Variants in KCNH7 observed in about 807,000 individuals in gnomAD.
The protein encoded by KCNH7 is potassium voltage-gated channel subfamily H member 7, also known as voltage-gated inwardly rectifying potassium channel KCNH7.
Under a neutral mutation model 120.8 loss-of-function variants are expected in KCNH7, and 49 were observed. That is an observed-to-expected ratio of 0.41 (90% CI 0.32 to 0.51). The LOEUF (loss-of-function observed/expected upper bound fraction) is 0.51. KCNH7 is among the 20% of genes least tolerant of loss of function. The pLI is 0.38. For synonymous variants in KCNH7, 547 were observed against 516.1 expected (o/e 1.06, Z -0.81); for missense variants, 1,097 against 1,446.6 (o/e 0.76, Z 3.92).
rs541261844 is a variant in KCNH7 at position 162,509,198 on chromosome 2, A to T, written c.913+3456T>A. ...TGGGAAGAATTTTAAAGATATTTAA[A>T]ATTTATACGATGAGGCTATTTAAAT... On this transcript the variant is annotated intron_variant, in intron 5 of 15. Coordinates refer to ENST00000332142, the MANE Select transcript of KCNH7 (RefSeq NM_033272.4). 3.3e-5 allele frequency among the ~76,000 whole-genome samples: 5 copies of T among 151,708 alleles called. No homozygotes were observed. In the South Asian group the frequency reaches 1.0e-3, roughly 31 times the overall value.
chr2:162,736,976 A>G (rs965044131), intron 2 of KCNH7, among the ~76,000 whole-genome samples: 2 of 152,152 alleles, frequency 1.3e-5, no homozygotes, highest in Non-Finnish European at 2.9e-5. Context: ...CGAGGCACCT[A>G]AAATAAACAA....
At chr2:162,404,604 G>A (rs1687154045) in intron 9 of KCNH7, among the ~76,000 whole-genome samples, 2 of 151,868 alleles carry the variant, frequency 1.3e-5, no homozygotes. Flanking sequence ...TCTTGCTCCT[G>A]CTCCTGCCAT....
At chr2:162,566,116 C>T (rs754551166) in intron 2 of KCNH7, among the ~76,000 whole-genome samples, 1 of 151,876 alleles carries the variant, frequency 6.6e-6, no homozygotes, top group Non-Finnish European at 1.5e-5. Context: ...AAGATATTCA[C>T]CTAAGAGGCC....
intron 8 of KCNH7, among the ~76,000 whole-genome samples, chr2:162,430,560 A>T (rs1330497253): frequency 6.6e-6 from 1 of 152,064 alleles, no homozygotes; most frequent in Middle Eastern, 3.2e-3. Flanking sequence ...CTCCAGGCAA[A>T]AAGCCAAGAT....
At chr2:162,609,373 CT>C (rs1559042597) in intron 2 of KCNH7, among the ~76,000 whole-genome samples, 1 of 151,976 alleles carries the variant, frequency 6.6e-6, no homozygotes, top group Admixed American at 6.6e-5. Flanking sequence ...ATGCATTTTT[CT>C]TTTTTTCTTT....
intron 2 of KCNH7, among the ~76,000 whole-genome samples, chr2:162,568,263 G>C (rs1693329981): frequency 2.0e-5 from 3 of 151,976 alleles, no homozygotes; most frequent in Admixed American, 1.3e-4. Flanking sequence ...TTGACACATA[G>C]AGATTATGGG....
chr2:162,396,728 GT>G lies in KCNH7; in HGVS notation c.2613+11del, dbSNP rs759718308. 6.3e-6 allele frequency: 10 copies of G among 1,584,156 alleles called. 1 individual carries two copies. The African/African-American group carries it at 1.4e-4, about 21-fold the overall frequency. ...TCAGAAATACAGACATAAGCAAACA[GT>G]TAACATATACCTTTGCGCTCTCATG... is the stretch of plus-strand genomic sequence containing the variant. On this transcript the variant is annotated intron_variant, in intron 11 of 15. Transcript: ENST00000332142.
intron 2 of KCNH7, among the ~76,000 whole-genome samples, chr2:162,812,803 GA>G (rs947816299): frequency 2.6e-5 from 4 of 152,002 alleles, no homozygotes; most frequent in Admixed American, 6.6e-5. Flanking sequence ...AAGCAATGGA[GA>G]AAAAAGACAT....
At chr2:162,686,115 G>C (rs1333532098) in intron 2 of KCNH7, among the ~76,000 whole-genome samples, 2 of 151,994 alleles carry the variant, frequency 1.3e-5, no homozygotes, top group African/African-American at 4.8e-5. Context: ...TGGGGCAATG[G>C]CATTACCATC....
chr2:162,831,072 C>T (rs887234935), intron 2 of KCNH7, among the ~76,000 whole-genome samples: 6 of 152,080 alleles, frequency 3.9e-5, no homozygotes, highest in Non-Finnish European at 7.4e-5. Flanking sequence ...ATAGGTACAT[C>T]GAGTAGCAGT....
At chr2:162,383,927 A>G (rs1415910751) in intron 13 of KCNH7, among the ~76,000 whole-genome samples, 1 of 151,862 alleles carries the variant, frequency 6.6e-6, no homozygotes, top group Non-Finnish European at 1.5e-5. Context: ...CAAAGACATA[A>G]AGGGAGCAAG....
At chr2:162,538,931 T>G (rs1446905293) in intron 2 of KCNH7, among the ~76,000 whole-genome samples, 1 of 152,064 alleles carries the variant, frequency 6.6e-6, no homozygotes, top group Non-Finnish European at 1.5e-5. Flanking sequence ...CTTCCCAAAT[T>G]TGAAATGTGG....
chr2:162,384,623 G>A, intron 13 of KCNH7, 65 bp downstream of exon 13: 1 of 1,495,178 alleles, frequency 6.7e-7, no homozygotes. Flanking sequence ...TTCTTAATTT[G>A]TAAAAAGTCA....
intron 2 of KCNH7, among the ~76,000 whole-genome samples, chr2:162,753,893 T>A (rs1368150726): frequency 6.6e-6 from 1 of 152,078 alleles, no homozygotes; most frequent in Non-Finnish European, 1.5e-5. Context: ...TGCAGATTAG[T>A]AGCCCACATG....
chr2:162,548,642 G>A (rs898555401), intron 2 of KCNH7, among the ~76,000 whole-genome samples: 1 of 152,036 alleles, frequency 6.6e-6, no homozygotes, highest in South Asian at 2.1e-4. Context: ...GTCCATGAGA[G>A]GCTGTGTAAT....
chr2:162,740,308 T>G (rs962489460), intron 2 of KCNH7, among the ~76,000 whole-genome samples: 7 of 152,218 alleles, frequency 4.6e-5, no homozygotes, highest in African/African-American at 1.7e-4. Context: ...TAGGTAAACC[T>G]GAGGCATTAG....
rs981120082 is a variant in KCNH7 at position 162,703,978 on chromosome 2, C to CT, written c.307+132558dup. 1.4e-4 allele frequency among the ~76,000 whole-genome samples: 22 copies of CT among 151,926 alleles called. 1 individual carries two copies. In the South Asian group the frequency reaches 1.9e-3, roughly 13 times the overall value. On this transcript the variant is annotated intron_variant, in intron 2 of 15. Transcript: ENST00000332142. ...GAGCAGACAGAAGAACAATATAAAA[C>CT]TTTTTTTTACTAACATAAAAAATAA...
At chr2:162,478,406 G>A (rs983119198) in intron 6 of KCNH7, among the ~76,000 whole-genome samples, 2 of 152,116 alleles carry the variant, frequency 1.3e-5, no homozygotes, top group Non-Finnish European at 2.9e-5. Context: ...CCTCAGTGAT[G>A]AGCATCTCAT....
At chr2:162,455,803 A>G (rs1348274667) in intron 6 of KCNH7, among the ~76,000 whole-genome samples, 1 of 151,568 alleles carries the variant, frequency 6.6e-6, no homozygotes, top group African/African-American at 2.4e-5. Flanking sequence ...TCATTTTTTT[A>G]TTGTGTCTAT....
Sources: allele counts gnomAD v4.1 joint callset (sites outside exome capture counted in the v4.1 genomes callset), GRCh38; gene constraint gnomAD v4.1.1; transcripts MANE v1.5; gene names NCBI Gene and HGNC (gene_info 2026-07-23, HGNC 2026-07-21).